GATAD1: variants seen among roughly 807,000 people sequenced by gnomAD.
GATAD1 encodes GATA zinc finger domain containing 1, also known as GATA zinc finger domain-containing protein 1.
In GATAD1, 12 loss-of-function variants were observed where a neutral mutation model predicts 26.5. That is an observed-to-expected ratio of 0.45 (90% CI 0.29 to 0.73). GATAD1 has a LOEUF of 0.73. Among genes scored for constraint, GATAD1 ranks in the 30% least tolerant of loss-of-function variants. GATAD1 has a pLI of 0.10. For missense variants in GATAD1, 266 were observed against 342.1 expected (o/e 0.78, Z 1.75); for synonymous variants, 129 against 133.1 (o/e 0.97, Z 0.21).
At chr7:92,448,031 G>T in intron 1 of GATAD1, 53 bp downstream of exon 1, 3 of 1,182,852 alleles carry the variant, frequency 2.5e-6, no homozygotes, top group Non-Finnish European at 3.2e-6. Flanking sequence ...TGCTAGGCGG[G>T]CGGGGACGGG....
chr7:92,469,043 A>G, the GATAD1 span: 1 of 711,462 alleles, frequency 1.4e-6, no homozygotes, highest in Non-Finnish European at 2.6e-6. Context: ...GGGAGAATCC[A>G]GGGCATCCAT....
the GATAD1 span, among the ~76,000 whole-genome samples, chr7:92,491,058 G>A: frequency 1.3e-5 from 2 of 152,136 alleles, no homozygotes; most frequent in Admixed American, 6.6e-5. Flanking sequence ...ACAACCACGC[G>A]CTACTTTGGT....
Position 92,447,825 on chromosome 7 carries a change from T to G in GATAD1, c.96T>G (p.His32Gln), listed in dbSNP as rs532003876. 220 of 1,471,886 alleles carry G rather than the reference T, an allele frequency of 1.5e-4. 1 individual carries two copies. The African/African-American group carries it at 3.0e-3, about 20-fold the overall frequency. 91.2% of individuals were successfully genotyped at this position (1,471,886 alleles called of 1,614,324 possible). The stretch of plus-strand genomic sequence containing the variant: ...CGCAGGGGGAGATCCTCTGCCATCA[T>G]TGCACTGGCCGGGGCGGCGCGGGCA... ...KGAQGEILCH[H>Q]CTGRGGAGSG... is the part of the protein sequence containing the mutation. Residue 32 changes from histidine (H) to glutamine (Q), a missense_variant, in exon 1 of 5, where the codon CAT (histidine) becomes CAG (glutamine). Physicochemically the swap from His to Gln is conservative, Grantham distance 24. Coordinates refer to ENST00000287957, the MANE Select transcript of GATAD1 (RefSeq NM_021167.5).
the GATAD1 span, among the ~76,000 whole-genome samples, chr7:92,483,314 A>G: frequency 6.6e-6 from 1 of 152,110 alleles, no homozygotes; most frequent in East Asian, 1.9e-4. Flanking sequence ...GGTGTTTTGA[A>G]GTTCTTGTTT....
the GATAD1 span, chr7:92,468,871 C>T: frequency 4.8e-5 from 37 of 764,182 alleles, no homozygotes; most frequent in African/African-American, 1.5e-4. Context: ...GCTAGCAGGC[C>T]GGTCCAGGGG....
the GATAD1 span, chr7:92,469,899 A>G: frequency 5.1e-6 from 4 of 778,798 alleles, no homozygotes; most frequent in Admixed American, 6.8e-5. Context: ...CCAGGCGAGT[A>G]TGGGTACGGA....
At chr7:92,473,828 T>C in the GATAD1 span, among the ~76,000 whole-genome samples, 1 of 151,938 alleles carries the variant, frequency 6.6e-6, no homozygotes, top group Non-Finnish European at 1.5e-5. Flanking sequence ...TGGTCAAGCA[T>C]ACCCAGGGCT....
rs1000238385 is a variant in GATAD1, at chr7:92,449,020, A to G, written c.375+143A>G. The stretch of plus-strand genomic sequence containing the variant: ...TGGGGAATGGTCCAGATTCCCCAAA[A>G]GGGAATGAGCTCTGTTGCAGGAGGC... On this transcript the variant is annotated intron_variant, in intron 2 of 4. Coordinates refer to ENST00000287957, the MANE Select transcript of GATAD1 (RefSeq NM_021167.5). The G allele has an allele frequency of 1.3e-5, 14 of 1,067,442 alleles. No individual in the cohort carries two copies. In the Admixed American group the frequency reaches 3.0e-4, roughly 23 times the overall value. 66.1% of individuals were successfully genotyped at this position (1,067,442 alleles called of 1,614,324 possible). A position where few individuals can be genotyped will look rare whatever the true frequency, so the allele number is the denominator to read the frequency against.
the GATAD1 span, among the ~76,000 whole-genome samples, chr7:92,484,566 ATG>A: frequency 6.6e-6 from 1 of 152,208 alleles, no homozygotes; most frequent in East Asian, 1.9e-4. Flanking sequence ...CATGGATAAA[ATG>A]TGTCTCCTTT....
At chr7:92,494,272 C>T in the GATAD1 span, 1 of 1,564,662 alleles carries the variant, frequency 6.4e-7, no homozygotes, top group South Asian at 1.1e-5. Context: ...GGGTTTTGGA[C>T]TCTAAATATG....
chr7:92,470,320 G>C, the GATAD1 span: 1 of 772,408 alleles, frequency 1.3e-6, no homozygotes, highest in African/African-American at 1.7e-5. Flanking sequence ...TGGAGGGGGT[G>C]CAGTGAGAGT....
At chr7:92,487,862 G>A in the GATAD1 span, among the ~76,000 whole-genome samples, 1 of 151,946 alleles carries the variant, frequency 6.6e-6, no homozygotes, top group African/African-American at 2.4e-5. Flanking sequence ...AATCAAAAGG[G>A]CCAAGTTTAG....
intron 3 of GATAD1, among the ~76,000 whole-genome samples, 198 bp downstream of exon 3, chr7:92,450,958 A>G (rs1052116148): frequency 3.3e-5 from 5 of 152,226 alleles, no homozygotes; most frequent in African/African-American, 9.6e-5. Flanking sequence ...GTGGGAGGAG[A>G]AAGTGCCTAC....
At chr7:92,449,388 C>T (rs1789320039) in intron 2 of GATAD1, 1 of 982,676 alleles carries the variant, frequency 1.0e-6, no homozygotes, top group Non-Finnish European at 1.2e-6. Context: ...AGCCTTATCT[C>T]CTCTTCTGCT....
intron 3 of GATAD1, among the ~76,000 whole-genome samples, chr7:92,451,976 C>T (rs1282298598): frequency 2.6e-5 from 4 of 152,152 alleles, no homozygotes; most frequent in South Asian, 2.1e-4. Flanking sequence ...GGCTATGTGA[C>T]GAGGACCAAC....
the GATAD1 span, among the ~76,000 whole-genome samples, chr7:92,465,630 GAAAA>G: frequency 2.0e-5 from 3 of 149,564 alleles, no homozygotes; most frequent in African/African-American, 2.5e-5. Context: ...AAAAAAAAAA[GAAAA>G]AAAGCAATCA....
the GATAD1 span, chr7:92,487,441 C>A: frequency 7.0e-7 from 1 of 1,430,858 alleles, no homozygotes; most frequent in South Asian, 1.2e-5. Flanking sequence ...AGAACCAAAT[C>A]AAAAAGAAGT....
chr7:92,462,466 G>A (rs964928253), downstream of GATAD1, among the ~76,000 whole-genome samples: 1 of 151,910 alleles, frequency 6.6e-6, no homozygotes, highest in South Asian at 2.1e-4. Context: ...TGGAATTACA[G>A]TCATTTTAAT....
the GATAD1 span, chr7:92,471,901 C>A: frequency 6.6e-6 from 1 of 152,128 alleles, no homozygotes; most frequent in African/African-American, 2.4e-5. Flanking sequence ...TTTTCTTCTC[C>A]TAATTCTAGT....
Sources: gnomAD v4.1 joint callset for allele counts (sites outside exome capture counted in the v4.1 genomes callset) on GRCh38, gnomAD v4.1.1 for gene constraint, MANE v1.5 for transcripts, NCBI Gene and HGNC (gene_info 2026-07-23, HGNC 2026-07-21) for gene names.